The following ZNF423 variants were observed in gnomAD, a reference collection of about 807,000 sequenced individuals.
ZNF423 encodes zinc finger protein 423, also known as Ebf-associated zinc finger protein.
In ZNF423, 12 loss-of-function variants were observed where a neutral mutation model predicts 95.8. That is an observed-to-expected ratio of 0.13 (90% CI 0.08 to 0.20). The LOEUF is 0.20. ZNF423 is among the 10% of genes least tolerant of loss of function. ZNF423 has a pLI of 1.00. For synonymous variants in ZNF423, 749 were observed against 711.9 expected, an observed-to-expected ratio of 1.05 and a Z score of -0.83; for missense variants, 1,316 against 1,737.1, an observed-to-expected ratio of 0.76 and a Z score of 4.31.
Position 49,720,743 on chromosome 16 carries a change from G to A in ZNF423, c.301+10028C>T, listed in dbSNP as rs116940365. On this transcript the variant is annotated intron_variant, in intron 3 of 7. Transcript: ENST00000563137. ...TCATTGCACTCTTTTACTACTTCCTGTTTGTCTGCATGTAATTCCTACCTC... is the reference window on the plus strand; with the variant it reads ...TCATTGCACTCTTTTACTACTTCCTATTTGTCTGCATGTAATTCCTACCTC... 5.2e-4 allele frequency among the ~76,000 whole-genome samples: 79 copies of A among 152,300 alleles called. No individual in the cohort carries two copies. The East Asian group carries it at 0.014, about 26-fold the overall frequency.
chr16:49,614,051 C>T (rs1442840120), intron 5 of ZNF423, among the ~76,000 whole-genome samples: 1 of 152,122 alleles, frequency 6.6e-6, no homozygotes, highest in African/African-American at 2.4e-5. Flanking sequence ...GACCACATAC[C>T]TAACAAAGGA....
At chr16:49,751,621 CA>C (rs1232855835) in intron 2 of ZNF423, among the ~76,000 whole-genome samples, 1 of 152,190 alleles carries the variant, frequency 6.6e-6, no homozygotes, top group Non-Finnish European at 1.5e-5. Context: ...GCACTGGCTG[CA>C]AGGTCAGACC....
chr16:49,636,289 G>T lies in ZNF423; in HGVS notation c.2887C>A (p.Pro963Thr), dbSNP rs766379355. ...LREHLQTHRGPAKHYMCPICG... is the reference protein window; with the variant it reads ...LREHLQTHRGTAKHYMCPICG... The stretch of plus-strand genomic sequence containing the variant: ...ATGGGACACATGTAGTGCTTGGCAG[G>T]GCCCCGGTGCGTCTGCAGGTGCTCC... The change falls in exon 4 of 8, where the codon CCT becomes ACT. Residue 963 changes from proline (P) to threonine (T), a missense_variant. Pro to Thr is a conservative substitution (Grantham distance 38, BLOSUM62 -1). Transcript: ENST00000563137. The surrounding 1 kb of genome is among the most constrained non-coding windows in gnomAD (Gnocchi z 8.6). The T allele has an allele frequency of 2.5e-6, 4 of 1,612,628 alleles. No homozygotes were observed. Among genetic ancestry groups the T allele is most frequent in the Non-Finnish European group, 3.4e-6 (4 of 1,180,032 alleles).
At chr16:49,666,181 T>G (rs2030536295) in intron 3 of ZNF423, among the ~76,000 whole-genome samples, 1 of 152,228 alleles carries the variant, frequency 6.6e-6, no homozygotes, top group African/African-American at 2.4e-5. Context: ...GAATTGTTCT[T>G]TTGGCTTTTG....
rs1367796714 is a variant in ZNF423 at position 49,746,910 on chromosome 16, C to A, written c.101-15939G>T. On this transcript the variant is annotated intron_variant, in intron 2 of 7. Coordinates refer to ENST00000563137, the MANE Select transcript of ZNF423 (RefSeq NM_001379286.1). ...GCAGTTGTGGCACCCCTAGCCGTAG[C>A]ATCCTGACCTTTCCCTGACCTCCGA... Among the ~76,000 whole-genome samples the A allele has an allele frequency of 2.0e-5, 3 of 152,348 alleles. No homozygotes were observed. In the East Asian group the frequency reaches 5.8e-4, roughly 29 times the overall value.
intron 2 of ZNF423, among the ~76,000 whole-genome samples, chr16:49,731,605 G>A (rs1014513774): frequency 6.6e-6 from 1 of 151,800 alleles, no homozygotes; most frequent in East Asian, 1.9e-4. Flanking sequence ...TGAAGGCCTG[G>A]AGTTTGAGAC....
chr16:49,606,729 A>AG (rs1971548499), intron 5 of ZNF423, among the ~76,000 whole-genome samples: 1 of 152,224 alleles, frequency 6.6e-6, no homozygotes, highest in Non-Finnish European at 1.5e-5. Context: ...CAGTGATCAC[A>AG]GGGGCCCTGG....
chr16:49,712,380 A>T (rs1336296042), intron 3 of ZNF423, among the ~76,000 whole-genome samples: 2 of 150,638 alleles, frequency 1.3e-5, no homozygotes, highest in Non-Finnish European at 2.9e-5. Context: ...AGGAATGTCC[A>T]GAGGGGAAAG....
intron 1 of ZNF423, among the ~76,000 whole-genome samples, chr16:49,792,785 G>A (rs947067559): frequency 5.3e-5 from 8 of 152,138 alleles, no homozygotes; most frequent in Admixed American, 3.9e-4. Context: ...TATGAGACAG[G>A]CTCATGCTCT....
intron 5 of ZNF423, among the ~76,000 whole-genome samples, chr16:49,557,166 C>T (rs947234329): frequency 6.6e-6 from 1 of 152,222 alleles, no homozygotes; most frequent in Non-Finnish European, 1.5e-5. Context: ...GCGTGCAGGG[C>T]GGCAGAGGGG....
chr16:49,495,439 C>G (rs1036490994), intron 7 of ZNF423, among the ~76,000 whole-genome samples: 3 of 152,066 alleles, frequency 2.0e-5, no homozygotes, highest in Non-Finnish European at 4.4e-5. Flanking sequence ...CTGTGCAAAT[C>G]GTCAGCAGAG....
intron 3 of ZNF423, among the ~76,000 whole-genome samples, chr16:49,640,424 A>G (rs1163517903): frequency 1.3e-5 from 2 of 152,114 alleles, no homozygotes; most frequent in African/African-American, 2.4e-5. Context: ...GCAGACACAC[A>G]CACACACACA....
At chr16:49,786,045 C>G (rs748461780) in intron 2 of ZNF423, among the ~76,000 whole-genome samples, 1 of 152,246 alleles carries the variant, frequency 6.6e-6, no homozygotes, top group Non-Finnish European at 1.5e-5. Context: ...ACCCCCACAT[C>G]TTGACTCCAG....
At chr16:49,507,014 T>C (rs924084485) in intron 7 of ZNF423, among the ~76,000 whole-genome samples, 9 of 152,098 alleles carry the variant, frequency 5.9e-5, no homozygotes, top group Non-Finnish European at 1.0e-4. Flanking sequence ...TAAACGTTGA[T>C]GAGTTGATGA....
chr16:49,521,163 T>C (rs970788012), intron 7 of ZNF423, among the ~76,000 whole-genome samples: 9 of 152,084 alleles, frequency 5.9e-5, no homozygotes, highest in Non-Finnish European at 1.2e-4. Flanking sequence ...GTGACACCAA[T>C]GAAGCTCAAA....
At chr16:49,784,325 TAGG>T (rs749849138) in intron 2 of ZNF423, among the ~76,000 whole-genome samples, 1 of 151,782 alleles carries the variant, frequency 6.6e-6, no homozygotes, top group Non-Finnish European at 1.5e-5. Flanking sequence ...TCCCTTGAGG[TAGG>T]AGTTCAAATC....
chr16:49,813,437 G>C (rs1288491273), intron 1 of ZNF423, among the ~76,000 whole-genome samples: 1 of 152,128 alleles, frequency 6.6e-6, no homozygotes, highest in Non-Finnish European at 1.5e-5. Context: ...GTGCCCTGAG[G>C]AACCGCCCCT....
intron 2 of ZNF423, among the ~76,000 whole-genome samples, chr16:49,739,696 G>GTTTT (rs10574656): frequency 1.9e-5 from 1 of 52,590 alleles, no homozygotes. Flanking sequence ...TTTTTGTTTG[G>GTTTT]TTTTTTTTTT....
chr16:49,631,424 C>CT (rs1972492062), intron 4 of ZNF423, among the ~76,000 whole-genome samples: 1 of 152,084 alleles, frequency 6.6e-6, no homozygotes, highest in Non-Finnish European at 1.5e-5. Flanking sequence ...CTCAACCCCC[C>CT]TGGAGACCCC....
Sources: allele counts gnomAD v4.1 joint callset (sites outside exome capture counted in the v4.1 genomes callset), GRCh38; gene constraint gnomAD v4.1.1; non-coding constraint Gnocchi (gnomAD v3.1); transcripts MANE v1.5; gene names NCBI Gene and HGNC (gene_info 2026-07-23, HGNC 2026-07-21).